MAST2: variants seen among roughly 807,000 people sequenced by gnomAD.
MAST2 encodes the protein microtubule-associated serine/threonine-protein kinase 2.
MAST2 carries 70 observed loss-of-function variants against 147.4 expected under a neutral mutation model. That is an observed-to-expected ratio of 0.47 (90% CI 0.39 to 0.58). The LOEUF is 0.58. Ranked by LOEUF, MAST2 falls within the 20% of genes least tolerant of loss-of-function variation. MAST2 has a pLI of 0.00. For synonymous variants in MAST2, 869 were observed against 896.8 expected (o/e 0.97, Z 0.55); for missense variants, 2,080 against 2,302.3 (o/e 0.90, Z 1.98).
chr1:45,860,612 ACCTGAGGT>A (rs1645947521), intron 3 of MAST2, among the ~76,000 whole-genome samples: 1 of 152,058 alleles, frequency 6.6e-6, no homozygotes, highest in Non-Finnish European at 1.5e-5. Flanking sequence ...CAGGCGGATC[ACCTGAGGT>A]CAGAAGTTTG....
At chr1:45,971,358 T>C (rs1194943489) in intron 5 of MAST2, among the ~76,000 whole-genome samples, 1 of 152,190 alleles carries the variant, frequency 6.6e-6, no homozygotes, top group African/African-American at 2.4e-5. Context: ...CTTTGTGTCC[T>C]CAGGAAGGAC....
At chr1:45,965,125 T>A (rs946836912) in intron 5 of MAST2, among the ~76,000 whole-genome samples, 11 of 152,138 alleles carry the variant, frequency 7.2e-5, no homozygotes, top group East Asian at 5.8e-4. Flanking sequence ...TGCTGAGGAG[T>A]GCTTTACTTC....
intron 1 of MAST2, among the ~76,000 whole-genome samples, chr1:45,821,614 G>A (rs6662306): frequency 0.19 from 28,604 of 148,346 alleles, 3,346 homozygotes; most frequent in Non-Finnish European, 0.26. Flanking sequence ...CTGCCTCTTG[G>A]GTTCAAGTCA....
chr1:45,905,311 AG>A (rs1160933788), intron 4 of MAST2, among the ~76,000 whole-genome samples: 1 of 151,878 alleles, frequency 6.6e-6, no homozygotes, highest in East Asian at 2.0e-4. Context: ...CAGTATCCCA[AG>A]TAGCTGGGAG....
intron 5 of MAST2, among the ~76,000 whole-genome samples, chr1:45,960,641 C>T (rs997006302): frequency 3.3e-5 from 5 of 152,166 alleles, no homozygotes; most frequent in South Asian, 2.1e-4. Flanking sequence ...TTCTTGTATC[C>T]CAGGGGAACC....
Position 46,023,274 on chromosome 1 carries a change from A to C in MAST2, c.1527A>C (p.Glu509Asp), listed in dbSNP as rs1360724865. ...TGCCATCTAAAAAGACACCCTCTGA[A>C]GAGGACTTCGAGACCATTAAGCTCA... ...ASLPSKKTPS[E>D]EDFETIKLIS... Residue 509 changes from glutamate to aspartate, a missense_variant, in exon 14 of 29, where the codon GAA becomes GAC. Transcript: ENST00000361297. The surrounding 1 kb of genome is among the most constrained non-coding windows in gnomAD (Gnocchi z 4.9). The C allele has an allele frequency of 3.7e-6, 6 of 1,614,090 alleles. No homozygotes were observed. Among genetic ancestry groups the C allele is most frequent in the Non-Finnish European group, 4.2e-6 (5 of 1,180,048 alleles).
At chr1:45,950,205 G>A (rs1658728783) in intron 4 of MAST2, among the ~76,000 whole-genome samples, 2 of 152,040 alleles carry the variant, frequency 1.3e-5, no homozygotes, top group Admixed American at 6.5e-5. Flanking sequence ...ATGTACCCCT[G>A]AACCTAAAAA....
At chr1:45,852,604 C>T (rs987963218) in intron 3 of MAST2, among the ~76,000 whole-genome samples, 2 of 151,310 alleles carry the variant, frequency 1.3e-5, no homozygotes, top group Non-Finnish European at 2.9e-5. Context: ...CTCCTGGGCT[C>T]AAGTGATCCT....
chr1:45,954,049 A>G (rs1659315884), intron 4 of MAST2, among the ~76,000 whole-genome samples: 1 of 152,148 alleles, frequency 6.6e-6, no homozygotes, highest in South Asian at 2.1e-4. Flanking sequence ...TATTGTTTAC[A>G]CTTACTGAAA....
chr1:45,907,224 C>G (rs1363684283), intron 4 of MAST2, among the ~76,000 whole-genome samples: 1 of 152,122 alleles, frequency 6.6e-6, no homozygotes, highest in Non-Finnish European at 1.5e-5. Context: ...GGAAGGATGT[C>G]TTTCAGAGAG....
At chr1:45,848,750 A>G (rs1645523680) in intron 3 of MAST2, among the ~76,000 whole-genome samples, 1 of 152,220 alleles carries the variant, frequency 6.6e-6, no homozygotes, top group Admixed American at 6.5e-5. Flanking sequence ...GGCAAGAGAA[A>G]GAAATAAACG....
chr1:45,996,137 G>A (rs1288341967), intron 5 of MAST2, among the ~76,000 whole-genome samples: 1 of 151,148 alleles, frequency 6.6e-6, no homozygotes, highest in Non-Finnish European at 1.5e-5. Flanking sequence ...TGTGTGTTAT[G>A]TAACCCTAGC....
chr1:45,982,440 T>C (rs1644449150), intron 5 of MAST2, among the ~76,000 whole-genome samples: 2 of 152,184 alleles, frequency 1.3e-5, no homozygotes, highest in African/African-American at 4.8e-5. Flanking sequence ...GCCGGGAGAT[T>C]GAGTTCAGTC....
intron 4 of MAST2, among the ~76,000 whole-genome samples, chr1:45,947,880 C>T (rs1658315490): frequency 6.6e-6 from 1 of 152,140 alleles, no homozygotes; most frequent in South Asian, 2.1e-4. Flanking sequence ...CCACACCCGG[C>T]TAATTTTTTG....
At chr1:45,938,338 C>A (rs908296185) in intron 4 of MAST2, among the ~76,000 whole-genome samples, 14 of 151,830 alleles carry the variant, frequency 9.2e-5, no homozygotes, top group African/African-American at 3.4e-4. Context: ...TTTCTTTTTT[C>A]TTGGAGATGG....
chr1:45,811,276 C>G (rs1188651064), intron 1 of MAST2, among the ~76,000 whole-genome samples: 3 of 151,500 alleles, frequency 2.0e-5, no homozygotes, highest in Admixed American at 2.0e-4. Flanking sequence ...AAGCAATTCT[C>G]CTGCCTCAGC....
At chr1:45,887,371 G>C (rs544993004) in intron 4 of MAST2, among the ~76,000 whole-genome samples, 3 of 152,320 alleles carry the variant, frequency 2.0e-5, no homozygotes, top group East Asian at 3.8e-4. Context: ...CATTCATCAT[G>C]GGGTATGTGT....
intron 4 of MAST2, among the ~76,000 whole-genome samples, chr1:45,955,973 GATCT>G (rs1659603345): frequency 1.3e-5 from 2 of 152,120 alleles, no homozygotes; most frequent in African/African-American, 4.8e-5. Flanking sequence ...ATAATGAACA[GATCT>G]ATAACTCTCA....
chr1:45,950,241 G>A (rs1658736713), intron 4 of MAST2, among the ~76,000 whole-genome samples: 1 of 152,154 alleles, frequency 6.6e-6, no homozygotes. Flanking sequence ...GTGGGAGCCA[G>A]CTTTGAAGCT....
Sources: gnomAD v4.1 joint callset for allele counts (sites outside exome capture counted in the v4.1 genomes callset) on GRCh38, gnomAD v4.1.1 for gene constraint, Gnocchi (gnomAD v3.1) non-coding constraint, MANE v1.5 for transcripts, NCBI Gene and HGNC (gene_info 2026-07-23, HGNC 2026-07-21) for gene names.